Variants in PHLPP1 observed in about 807,000 individuals in gnomAD.
PHLPP1 encodes the protein PH domain leucine-rich repeat-containing protein phosphatase 1.
In PHLPP1, 42 loss-of-function variants were observed where a neutral mutation model predicts 117.2. That is an observed-to-expected ratio of 0.36 (90% CI 0.28 to 0.46). The LOEUF (loss-of-function observed/expected upper bound fraction) is 0.46. PHLPP1 is among the 20% of genes least tolerant of loss of function. The probability of loss-of-function intolerance (pLI) is 1.00; values close to 1 mark genes in which losing one functional copy is unlikely to be tolerated. For missense variants in PHLPP1, 2,084 were observed against 2,241.9 expected, an observed-to-expected ratio of 0.93 and a Z score of 1.42; for synonymous variants, 1,042 against 970.7, an observed-to-expected ratio of 1.07 and a Z score of -1.37.
At chr18:62,924,254 A>G (rs975778972) in intron 10 of PHLPP1, among the ~76,000 whole-genome samples, 1 of 152,184 alleles carries the variant, frequency 6.6e-6, no homozygotes, top group East Asian at 1.9e-4. Flanking sequence ...TACTTAATAC[A>G]AATCTTAAAA....
intron 1 of PHLPP1, among the ~76,000 whole-genome samples, chr18:62,760,570 A>AT (rs2144247591): frequency 6.6e-6 from 1 of 152,268 alleles, no homozygotes; most frequent in South Asian, 2.1e-4. Context: ...AAAGCTTCCG[A>AT]TTCCTCCTGT....
chr18:62,835,018 G>A (rs6567298), intron 2 of PHLPP1, among the ~76,000 whole-genome samples: 32,012 of 151,866 alleles, frequency 0.21, 4,982 homozygotes, highest in African/African-American at 0.44. Flanking sequence ...TTGATTTATC[G>A]TCTTGCTAAA....
intron 1 of PHLPP1, among the ~76,000 whole-genome samples, chr18:62,821,548 C>CAAAAAAAAAAAA (rs1568127680): frequency 0.013 from 377 of 28,036 alleles, 4 homozygotes; most frequent in South Asian, 0.027. Flanking sequence ...GACCCTTTAT[C>CAAAAAAAAAAAA]CAAAAAAAAA....
rs937172320 is a variant in PHLPP1, at chr18:62,745,913, T to A, written c.1576+28654T>A. 9.0e-4 allele frequency among the ~76,000 whole-genome samples: 137 copies of A among 152,360 alleles called. 2 individuals carry two copies. The highest frequency in any genetic ancestry group is 8.6e-3 in the Admixed American group (132 of 15,302). Reference sequence around the variant, plus strand: ...AATACTGTACTAGTATATAGTGAACTGTGTCAGAGACTGGGTCAGAGGTGT... The same window carrying A: ...AATACTGTACTAGTATATAGTGAACAGTGTCAGAGACTGGGTCAGAGGTGT... On this transcript the variant is annotated intron_variant, in intron 1 of 16. Coordinates refer to ENST00000262719, the MANE Select transcript of PHLPP1 (RefSeq NM_194449.4).
intron 4 of PHLPP1, among the ~76,000 whole-genome samples, chr18:62,883,676 T>G (rs1916217658): frequency 6.6e-6 from 1 of 152,148 alleles, no homozygotes; most frequent in Non-Finnish European, 1.5e-5. Context: ...CAGTTATACT[T>G]TTAGAAGTAT....
chr18:62,956,862 A>G (rs1296313586), intron 12 of PHLPP1, among the ~76,000 whole-genome samples: 1 of 152,138 alleles, frequency 6.6e-6, no homozygotes, highest in African/African-American at 2.4e-5. Flanking sequence ...TTGAAAATAT[A>G]TTTACCCAAA....
intron 1 of PHLPP1, among the ~76,000 whole-genome samples, chr18:62,774,797 T>G (rs1912899890): frequency 6.6e-6 from 1 of 151,810 alleles, no homozygotes; most frequent in Non-Finnish European, 1.5e-5. Context: ...CAAACAAAAC[T>G]AATATTTCAG....
At position 62,715,773 on chromosome 18, in the gene PHLPP1, A is replaced by AGCT. The variant is rs1910701485; in HGVS notation, c.92_93insTGC (p.Ala40dup). ...CGGCTCCGGCGGCCGCCGCTGCGGC[A>AGCT]GCAGCAGCAGCAGCGGCGGCCGCGG... On this transcript the variant is annotated inframe_insertion, in exon 1 of 17. Coordinates refer to ENST00000262719, the MANE Select transcript of PHLPP1 (RefSeq NM_194449.4). The AGCT allele has an allele frequency of 1.4e-6, 1 of 717,120 alleles. No homozygotes were observed. Among genetic ancestry groups the AGCT allele is most frequent in the African/African-American group, 2.0e-5 (1 of 49,546 alleles). 44.4% of individuals were successfully genotyped at this position (717,120 alleles called of 1,614,324 possible). A position where few individuals can be genotyped will look rare whatever the true frequency, so the allele number is the denominator to read the frequency against.
At chr18:62,754,262 G>A (rs1006034265) in intron 1 of PHLPP1, among the ~76,000 whole-genome samples, 10 of 152,224 alleles carry the variant, frequency 6.6e-5, no homozygotes, top group African/African-American at 2.2e-4. Context: ...CTGGCACACT[G>A]TGCTTGGAGA....
intron 4 of PHLPP1, among the ~76,000 whole-genome samples, chr18:62,891,719 G>T (rs1184428539): frequency 1.6e-5 from 2 of 125,692 alleles, no homozygotes; most frequent in Admixed American, 8.4e-5. Flanking sequence ...GCAAAACTTC[G>T]TCTCTACAAA....
rs138095890 is a variant in PHLPP1 at position 62,806,993 on chromosome 18, T to G, written c.1577-23042T>G. 1.1e-3 allele frequency among the ~76,000 whole-genome samples: 166 copies of G among 152,298 alleles called. 2 individuals carry two copies. Among genetic ancestry groups the G allele is most frequent in the African/African-American group, 3.8e-3 (158 of 41,592 alleles). On this transcript the variant is annotated intron_variant, in intron 1 of 16. Coordinates refer to ENST00000262719, the MANE Select transcript of PHLPP1 (RefSeq NM_194449.4). ...ATTCAAAATTTGTCAGCTTTTAGTT[T>G]AAAAATTTTTTATAAATAAAGTTGC...
At position 62,716,567 on chromosome 18, in the gene PHLPP1, C is replaced by T. The variant is rs1426641418; in HGVS notation, c.884C>T (p.Pro295Leu). 1.8e-5 allele frequency: 21 copies of T among 1,198,898 alleles called. No individual in the cohort carries two copies. The highest frequency in any genetic ancestry group is 9.0e-5 in the Admixed American group (2 of 22,316). 74.3% of individuals were successfully genotyped at this position (1,198,898 alleles called of 1,614,324 possible). Reference protein sequence around the residue: ...RSAPGAFGGPPRAPPADLPLP... With the variant: ...RSAPGAFGGPLRAPPADLPLP... The stretch of plus-strand genomic sequence containing the variant: ...GCGCCGGGTGCCTTCGGGGGGCCTC[C>T]GCGCGCGCCCCCCGCCGACCTACCC... The change falls in exon 1 of 17, where the codon CCG becomes CTG. Residue 295 changes from proline to leucine, a missense_variant. Pro to Leu is a moderately conservative substitution (Grantham distance 98). Coordinates refer to ENST00000262719, the MANE Select transcript of PHLPP1 (RefSeq NM_194449.4). This position sits in a 1 kb window ranked among gnomAD's most constrained non-coding sequence, Gnocchi z 5.7.
At chr18:62,781,985 G>A (rs1359466995) in intron 1 of PHLPP1, among the ~76,000 whole-genome samples, 2 of 152,206 alleles carry the variant, frequency 1.3e-5, no homozygotes, top group African/African-American at 4.8e-5. Context: ...CTTGGTAGCA[G>A]TGTTGGAGGT....
intron 12 of PHLPP1, among the ~76,000 whole-genome samples, chr18:62,958,013 A>G (rs1046765857): frequency 6.6e-6 from 1 of 151,712 alleles, no homozygotes; most frequent in Non-Finnish European, 1.5e-5. Flanking sequence ...CGGTGCACCT[A>G]CCGTATTCAA....
intron 1 of PHLPP1, among the ~76,000 whole-genome samples, chr18:62,728,188 G>T (rs946287139): frequency 6.6e-6 from 1 of 151,854 alleles, no homozygotes; most frequent in Non-Finnish European, 1.5e-5. Flanking sequence ...CCAGCTACTC[G>T]GGAGGCTGAG....
At chr18:62,867,231 C>T (rs908884024) in intron 4 of PHLPP1, among the ~76,000 whole-genome samples, 1 of 152,122 alleles carries the variant, frequency 6.6e-6, no homozygotes, top group South Asian at 2.1e-4. Context: ...TTTCCTTTCT[C>T]TTTCTAAATA....
At chr18:62,824,305 GAAA>G in intron 1 of PHLPP1, 1 of 317,870 alleles carries the variant, frequency 3.1e-6, no homozygotes, top group South Asian at 2.4e-5. Flanking sequence ...CATCAAAATA[GAAA>G]AAAAAAAAGA....
intron 5 of PHLPP1, among the ~76,000 whole-genome samples, chr18:62,895,382 C>T (rs1435913317): frequency 6.6e-6 from 1 of 152,174 alleles, no homozygotes; most frequent in Non-Finnish European, 1.5e-5. Flanking sequence ...ACTGAAGATC[C>T]CTACAGATGA....
chr18:62,834,319 G>C (rs1465209441), intron 2 of PHLPP1, among the ~76,000 whole-genome samples: 1 of 152,160 alleles, frequency 6.6e-6, no homozygotes, highest in Non-Finnish European at 1.5e-5. Context: ...TTAATTGCAA[G>C]GGGTCTGAGA....
Sources: gnomAD v4.1 joint callset for allele counts (sites outside exome capture counted in the v4.1 genomes callset) on GRCh38, gnomAD v4.1.1 for gene constraint, Gnocchi (gnomAD v3.1) non-coding constraint, MANE v1.5 for transcripts, NCBI Gene and HGNC (gene_info 2026-07-23, HGNC 2026-07-21) for gene names.